Variants in ZBTB20 observed in about 807,000 individuals in gnomAD.
ZBTB20 encodes the protein zinc finger and BTB domain containing 20.
A neutral mutation model predicts 56.9 loss-of-function variants in ZBTB20; 9 were observed. The observed-to-expected ratio is 0.16, with a 90% confidence interval of 0.10 to 0.28. ZBTB20 has a LOEUF of 0.28. Ranked by LOEUF, ZBTB20 falls within the 10% of genes least tolerant of loss-of-function variation. The pLI is 1.00. For missense variants in ZBTB20, 655 were observed against 1,003.0 expected, an observed-to-expected ratio of 0.65 and a Z score of 4.69; for synonymous variants, 417 against 420.7, an observed-to-expected ratio of 0.99 and a Z score of 0.11.
intron 5 of ZBTB20, among the ~76,000 whole-genome samples, chr3:114,789,288 G>A (rs1470516806): frequency 6.6e-6 from 1 of 152,110 alleles, no homozygotes; most frequent in East Asian, 1.9e-4. Flanking sequence ...ATTATTGTCT[G>A]GTTAGAGAAG....
At position 114,772,547 on chromosome 3, in the gene ZBTB20, C is replaced by T. The variant is rs545532741; in HGVS notation, c.-343+28554G>A. ...CCTAATGGTCAACTTGGTTTTCCCT[C>T]GCCCCTAGTTATTCTGTTTATCAAA... On this transcript the variant is annotated intron_variant, in intron 5 of 11. Coordinates refer to ENST00000675478, the MANE Select transcript of ZBTB20 (RefSeq NM_001348800.3). Among the ~76,000 whole-genome samples, 29 of 151,960 alleles carry T rather than the reference C, an allele frequency of 1.9e-4. 1 individual carries two copies. The South Asian group carries it at 3.8e-3, about 20-fold the overall frequency.
At chr3:114,363,355 G>C (rs1421252887) in intron 10 of ZBTB20, among the ~76,000 whole-genome samples, 1 of 152,072 alleles carries the variant, frequency 6.6e-6, no homozygotes, top group African/African-American at 2.4e-5. Context: ...AAAGAAAAGA[G>C]AACACCAAAT....
At chr3:114,867,102 A>T (rs1308897373) in intron 4 of ZBTB20, among the ~76,000 whole-genome samples, 5 of 152,188 alleles carry the variant, frequency 3.3e-5, no homozygotes, top group Non-Finnish European at 1.5e-5. Context: ...CCCTTCAGTA[A>T]GAGCAAAGAT....
chr3:115,037,552 T>C (rs1378456489), intron 2 of ZBTB20, among the ~76,000 whole-genome samples: 1 of 152,174 alleles, frequency 6.6e-6, no homozygotes, highest in East Asian at 1.9e-4. Flanking sequence ...CCCAAAGTGC[T>C]GGGATTACAG....
At chr3:114,603,277 G>A (rs999592270) in intron 6 of ZBTB20, among the ~76,000 whole-genome samples, 12 of 151,940 alleles carry the variant, frequency 7.9e-5, no homozygotes, top group African/African-American at 2.9e-4. Context: ...TCTACTGGCA[G>A]AAAGAGATGA....
intron 4 of ZBTB20, among the ~76,000 whole-genome samples, chr3:114,844,540 A>AAAAAAAAAAAAT (rs2074580305): frequency 7.0e-6 from 1 of 142,114 alleles, no homozygotes; most frequent in Non-Finnish European, 1.5e-5. Context: ...AAAAAAAAAA[A>AAAAAAAAAAAAT]AAAAAAAAAA....
chr3:114,606,659 C>G (rs2057178521), intron 6 of ZBTB20, among the ~76,000 whole-genome samples: 1 of 152,154 alleles, frequency 6.6e-6, no homozygotes, highest in Non-Finnish European at 1.5e-5. Context: ...TAAATCCCCA[C>G]CACTACACTG....
intron 8 of ZBTB20, among the ~76,000 whole-genome samples, chr3:114,381,231 C>G (rs1265463051): frequency 6.6e-6 from 1 of 152,134 alleles, no homozygotes; most frequent in African/African-American, 2.4e-5. Flanking sequence ...TTTACTCATC[C>G]TACGCCTAAG....
chr3:115,013,663 T>A (rs72960383), intron 2 of ZBTB20, among the ~76,000 whole-genome samples: 18,219 of 151,674 alleles, frequency 0.12, 2,585 homozygotes, highest in African/African-American at 0.34. Flanking sequence ...AAATACATTC[T>A]AACTCATTCT....
intron 6 of ZBTB20, among the ~76,000 whole-genome samples, chr3:114,571,295 A>G (rs2107342921): frequency 6.6e-6 from 1 of 152,298 alleles, no homozygotes; most frequent in African/African-American, 2.4e-5. Flanking sequence ...ATAGATAGCA[A>G]TTCTATAAAA....
chr3:114,786,403 T>C (rs1336168795), intron 5 of ZBTB20, among the ~76,000 whole-genome samples: 1 of 152,118 alleles, frequency 6.6e-6, no homozygotes, highest in Admixed American at 6.6e-5. Flanking sequence ...TTTGGTCTTC[T>C]GTTCTTGTGT....
In ZBTB20 at chr3:114,753,432, T is replaced by TATATATATATATATATAC. The variant is rs1205435166; in HGVS notation, c.-343+47668_-343+47669insGTATATATATATATATAT. On this transcript the variant is annotated intron_variant, in intron 5 of 11. Transcript: ENST00000675478. ...ACACACGTATATATATATATATATA[T>TATATATATATATATATAC]ACACACACACTTTTTTTTTTGAGAC... Among the ~76,000 whole-genome samples, 8 of 43,528 alleles carry TATATATATATATATATAC rather than the reference T, an allele frequency of 1.8e-4. 3 individuals are homozygous for TATATATATATATATATAC. Among genetic ancestry groups the TATATATATATATATATAC allele is most frequent in the African/African-American group, 6.2e-4 (8 of 12,972 alleles). 28.6% of individuals were successfully genotyped at this position (43,528 alleles called of 152,430 possible).
At position 114,314,503 on chromosome 3, in the gene ZBTB20, G is replaced by A. The variant is rs561455685; in HGVS notation, c.*24502C>T. On this transcript the variant is annotated 3_prime_UTR_variant, in exon 12 of 12. Transcript: ENST00000675478. Reference sequence around the variant, plus strand: ...AAGACACAATAGGAAACCAAGAGAAGAGTTTTTTTTTTTTTAATTATTCCT... The same window carrying A: ...AAGACACAATAGGAAACCAAGAGAAAAGTTTTTTTTTTTTTAATTATTCCT... The A allele has an allele frequency of 6.7e-6, 1 of 150,300 alleles. No individual in the cohort carries two copies. The highest frequency in any genetic ancestry group is 2.5e-5 in the African/African-American group (1 of 40,748). The allele number at this position is 150,300 out of a possible 1,614,324, so 9.3% of individuals were successfully genotyped here. A position where few individuals can be genotyped will look rare whatever the true frequency, so the allele number is the denominator to read the frequency against.
At chr3:114,550,294 C>T (rs909130441) in intron 6 of ZBTB20, among the ~76,000 whole-genome samples, 10 of 152,058 alleles carry the variant, frequency 6.6e-5, no homozygotes, top group Admixed American at 2.0e-4. Flanking sequence ...ATTTTTCTTA[C>T]GCAATTAAAA....
intron 1 of ZBTB20, among the ~76,000 whole-genome samples, chr3:115,129,920 C>A (rs370612801): frequency 6.6e-6 from 1 of 152,180 alleles, no homozygotes; most frequent in East Asian, 1.9e-4. Context: ...TATATAGCTT[C>A]ATCAGTAATA....
intron 6 of ZBTB20, among the ~76,000 whole-genome samples, chr3:114,627,121 A>G (rs2058697337): frequency 6.6e-6 from 1 of 151,474 alleles, no homozygotes; most frequent in Non-Finnish European, 1.5e-5. Context: ...ACTCCTACCC[A>G]CTCCTAAGCC....
intron 5 of ZBTB20, among the ~76,000 whole-genome samples, chr3:114,703,905 C>T (rs1284719632): frequency 5.3e-5 from 8 of 152,078 alleles, no homozygotes; most frequent in South Asian, 2.1e-4. Flanking sequence ...AGCCTGTGGA[C>T]GAAAGGGATC....
intron 1 of ZBTB20, among the ~76,000 whole-genome samples, chr3:115,085,188 G>A (rs755423850): frequency 5.3e-5 from 8 of 151,910 alleles, no homozygotes; most frequent in South Asian, 2.1e-4. Flanking sequence ...AATGAAACCC[G>A]TTATTGTGAA....
intron 3 of ZBTB20, among the ~76,000 whole-genome samples, chr3:114,907,789 T>C (rs554473786): frequency 1.3e-5 from 2 of 152,006 alleles, no homozygotes; most frequent in South Asian, 4.1e-4. Context: ...TTGTTCCAAG[T>C]GGTGGTGATT....
Sources: gnomAD v4.1 joint callset for allele counts (sites outside exome capture counted in the v4.1 genomes callset) on GRCh38, gnomAD v4.1.1 for gene constraint, MANE v1.5 for transcripts, NCBI Gene and HGNC (gene_info 2026-07-23, HGNC 2026-07-21) for gene names.